The following DPP10 variants were observed in gnomAD, a reference collection of about 807,000 sequenced individuals.
DPP10 encodes the protein inactive dipeptidyl peptidase 10.
In DPP10, 33 loss-of-function variants were observed where a neutral mutation model predicts 120.9. That is an observed-to-expected ratio of 0.27 (90% CI 0.21 to 0.37). The LOEUF is 0.37. Ranked by LOEUF, DPP10 falls within the 10% of genes least tolerant of loss-of-function variation. DPP10 has a pLI of 1.00. For missense variants in DPP10, 816 were observed against 942.8 expected, an observed-to-expected ratio of 0.87 and a Z score of 1.76; for synonymous variants, 337 against 326.1, an observed-to-expected ratio of 1.03 and a Z score of -0.36.
intron 1 of DPP10, among the ~76,000 whole-genome samples, chr2:115,172,794 G>A (rs558620320): frequency 2.0e-5 from 3 of 152,322 alleles, no homozygotes; most frequent in Non-Finnish European, 2.9e-5. Flanking sequence ...TAGACAGAGC[G>A]ATGGAAAATC....
intron 1 of DPP10, among the ~76,000 whole-genome samples, chr2:114,755,246 A>T (rs1038846400): frequency 1.3e-5 from 2 of 152,150 alleles, no homozygotes; most frequent in Admixed American, 6.5e-5. Flanking sequence ...AATTTCCTCC[A>T]TTGTGTACCT....
chr2:115,800,810 G>T (rs1165433049), intron 19 of DPP10, among the ~76,000 whole-genome samples: 3 of 151,844 alleles, frequency 2.0e-5, no homozygotes, highest in South Asian at 2.1e-4. Context: ...GTTTTGGTAC[G>T]AGTACCATGC....
chr2:114,742,213 A>G (rs1003013775), intron 1 of DPP10, among the ~76,000 whole-genome samples: 3 of 152,228 alleles, frequency 2.0e-5, no homozygotes, highest in African/African-American at 7.2e-5. Context: ...CAGCCTTTCC[A>G]TAATTTATAC....
intron 1 of DPP10, among the ~76,000 whole-genome samples, chr2:115,223,979 C>G (rs2057309335): frequency 6.6e-6 from 1 of 152,106 alleles, no homozygotes; most frequent in South Asian, 2.1e-4. Flanking sequence ...CAAAATCACA[C>G]TTAAATTATT....
At chr2:115,258,436 A>T (rs995737436) in intron 1 of DPP10, among the ~76,000 whole-genome samples, 7 of 152,088 alleles carry the variant, frequency 4.6e-5, no homozygotes, top group Non-Finnish European at 1.0e-4. Flanking sequence ...AATAATCCAG[A>T]AACAAAATTG....
chr2:114,794,784 T>A (rs1351524983), intron 1 of DPP10, among the ~76,000 whole-genome samples: 1 of 152,234 alleles, frequency 6.6e-6, no homozygotes, highest in African/African-American at 2.4e-5. Context: ...CTGGGTTATA[T>A]TTATAAACGC....
chr2:115,430,372 A>G (rs2070859593), intron 3 of DPP10, among the ~76,000 whole-genome samples: 1 of 152,202 alleles, frequency 6.6e-6, no homozygotes, highest in African/African-American at 2.4e-5. Flanking sequence ...AATCTTCATA[A>G]TGTAACATTA....
Position 115,491,514 on chromosome 2 carries a change from A to T in DPP10, c.272-7996A>T, listed in dbSNP as rs140562727. Reference sequence around the variant, plus strand: ...AAGCTTGGAATGTTTATGTGTGTGGATAATTTTATGGTGGGCTGGAATGTC... The same window carrying T: ...AAGCTTGGAATGTTTATGTGTGTGGTTAATTTTATGGTGGGCTGGAATGTC... On this transcript the variant is annotated intron_variant, in intron 3 of 25. Transcript: ENST00000410059. Among the ~76,000 whole-genome samples the T allele has an allele frequency of 3.5e-3, 530 of 152,146 alleles. 2 individuals are homozygous for T. Among genetic ancestry groups the T allele is most frequent in the African/African-American group, 0.012 (493 of 41,528 alleles).
At chr2:115,232,856 G>T (rs955174418) in intron 1 of DPP10, among the ~76,000 whole-genome samples, 4 of 152,094 alleles carry the variant, frequency 2.6e-5, no homozygotes, top group Non-Finnish European at 1.5e-5. Context: ...AGTGTTCTGT[G>T]TATGTTATTA....
rs552643175 is a variant in DPP10 at position 115,678,131 on chromosome 2, C to T, written c.442-11556C>T. ...GATGATGCAATAGAAAAGAAAAACCCATTTTCTGAAGAGAAATTCAAGCCA... is the reference window on the plus strand; with the variant it reads ...GATGATGCAATAGAAAAGAAAAACCTATTTTCTGAAGAGAAATTCAAGCCA... On this transcript the variant is annotated intron_variant, in intron 5 of 25. Coordinates refer to ENST00000410059, the MANE Select transcript of DPP10 (RefSeq NM_020868.6). Among the ~76,000 whole-genome samples, 213 of 152,294 alleles carry T rather than the reference C, an allele frequency of 1.4e-3. 1 individual carries two copies. The highest frequency in any genetic ancestry group is 2.2e-3 in the Non-Finnish European group (149 of 68,022).
At position 115,617,495 on chromosome 2, in the gene DPP10, A is replaced by G. The variant is rs191748750; in HGVS notation, c.442-72192A>G. ...GCATAACAATATTTTGGTAAACTAT[A>G]GACTACATAAAGACAGTAGCCCTAT... On this transcript the variant is annotated intron_variant, in intron 5 of 25. Coordinates refer to ENST00000410059, the MANE Select transcript of DPP10 (RefSeq NM_020868.6). 2.5e-3 allele frequency among the ~76,000 whole-genome samples: 386 copies of G among 151,916 alleles called. 1 individual carries two copies. Among genetic ancestry groups the G allele is most frequent in the Non-Finnish European group, 4.1e-3 (275 of 67,880 alleles).
intron 2 of DPP10, among the ~76,000 whole-genome samples, chr2:115,316,328 T>C (rs187432995): frequency 2.6e-5 from 4 of 152,156 alleles, no homozygotes; most frequent in Non-Finnish European, 5.9e-5. Flanking sequence ...CCTTGTAATA[T>C]AAGTTAAGAC....
chr2:114,531,526 T>G (rs1019476535), intron 1 of DPP10, among the ~76,000 whole-genome samples: 4 of 147,468 alleles, frequency 2.7e-5, no homozygotes, highest in African/African-American at 9.9e-5. Flanking sequence ...ATATATATAT[T>G]TATATGTTAC....
At chr2:115,347,096 A>G (rs1165958324) in intron 3 of DPP10, among the ~76,000 whole-genome samples, 1 of 152,206 alleles carries the variant, frequency 6.6e-6, no homozygotes, top group Admixed American at 6.5e-5. Context: ...TAACAAATTT[A>G]TTTAATGAAA....
intron 1 of DPP10, among the ~76,000 whole-genome samples, chr2:114,531,513 C>CATAT (rs147167997): frequency 1.4e-5 from 2 of 146,844 alleles, no homozygotes; most frequent in Non-Finnish European, 3.0e-5. Context: ...CTATGTATAC[C>CATAT]ATATATATAT....
At chr2:115,447,010 G>A (rs2072662063) in intron 3 of DPP10, among the ~76,000 whole-genome samples, 1 of 152,186 alleles carries the variant, frequency 6.6e-6, no homozygotes, top group Admixed American at 6.5e-5. Flanking sequence ...TGTGCACCTG[G>A]AAAAGCTACA....
intron 1 of DPP10, among the ~76,000 whole-genome samples, chr2:114,837,729 G>T (rs1687854637): frequency 6.6e-6 from 1 of 152,138 alleles, no homozygotes; most frequent in Non-Finnish European, 1.5e-5. Context: ...TTTCTCATGT[G>T]ATCTGCCTCA....
intron 2 of DPP10, among the ~76,000 whole-genome samples, chr2:115,339,930 A>G (rs77270907): frequency 0.011 from 1,679 of 152,258 alleles, 27 homozygotes; most frequent in African/African-American, 0.039. Context: ...CACGTGAATA[A>G]ATGAATACAT....
intron 5 of DPP10, among the ~76,000 whole-genome samples, chr2:115,634,112 T>C (rs1459588944): frequency 1.3e-5 from 2 of 152,148 alleles, no homozygotes; most frequent in Non-Finnish European, 2.9e-5. Context: ...GTGAAGTTAT[T>C]GTGTTGTGTT....
Sources: gnomAD v4.1 joint callset for allele counts (sites outside exome capture counted in the v4.1 genomes callset) on GRCh38, gnomAD v4.1.1 for gene constraint, MANE v1.5 for transcripts, NCBI Gene and HGNC (gene_info 2026-07-23, HGNC 2026-07-21) for gene names.